PADI2: variants seen among roughly 807,000 people sequenced by gnomAD.
PADI2 encodes peptidyl arginine deiminase 2, also known as protein-arginine deiminase type-2.
In PADI2, 70 loss-of-function variants were observed where a neutral mutation model predicts 81.1. That is an observed-to-expected ratio of 0.86 (90% CI 0.71 to 1.05). The LOEUF (loss-of-function observed/expected upper bound fraction) is 1.05. Ranked by LOEUF, PADI2 falls within the 50% of genes least tolerant of loss-of-function variation. The pLI, the probability that PADI2 is intolerant of heterozygous loss-of-function variation, is 0.00. For synonymous variants in PADI2, 338 were observed against 358.0 expected (o/e 0.94, Z 0.63); for missense variants, 853 against 889.9 (o/e 0.96, Z 0.53).
chr1:17,089,168 T>C (rs1377978737), intron 6 of PADI2, among the ~76,000 whole-genome samples: 1 of 152,118 alleles, frequency 6.6e-6, no homozygotes, highest in Non-Finnish European at 1.5e-5. Flanking sequence ...ACGTCCCACC[T>C]CATCCTCCCT....
At chr1:17,098,342 C>G (rs1242489679) in intron 3 of PADI2, among the ~76,000 whole-genome samples, 2 of 152,308 alleles carry the variant, frequency 1.3e-5, no homozygotes, top group African/African-American at 2.4e-5. Context: ...CATTGGGACT[C>G]CTTGTGGCGA....
intron 1 of PADI2, among the ~76,000 whole-genome samples, chr1:17,117,482 C>A (rs779744989): frequency 9.9e-5 from 15 of 152,100 alleles, no homozygotes; most frequent in Non-Finnish European, 1.8e-4. Context: ...GAGCGCACTG[C>A]CCCTCTCTGT....
chr1:17,113,173 G>A (rs951998280), intron 1 of PADI2, among the ~76,000 whole-genome samples: 3 of 152,106 alleles, frequency 2.0e-5, no homozygotes, highest in African/African-American at 7.2e-5. Flanking sequence ...AAGTCTTTGA[G>A]GAGAGGGATC....
intron 11 of PADI2, among the ~76,000 whole-genome samples, chr1:17,076,303 C>T (rs1179765957): frequency 1.3e-5 from 2 of 152,048 alleles, no homozygotes; most frequent in African/African-American, 4.8e-5. Flanking sequence ...CAACCTCTGC[C>T]TCCCGGGTTC....
intron 1 of PADI2, among the ~76,000 whole-genome samples, chr1:17,112,040 T>C (rs546526043): frequency 3.9e-5 from 6 of 152,090 alleles, no homozygotes; most frequent in Non-Finnish European, 7.4e-5. Context: ...GCATGATCAG[T>C]TTTGCACTGT....
intron 6 of PADI2, among the ~76,000 whole-genome samples, chr1:17,089,239 T>C (rs181925176): frequency 6.6e-6 from 1 of 152,210 alleles, no homozygotes; most frequent in Non-Finnish European, 1.5e-5. Context: ...TCCCAAAGAA[T>C]AGAAAGTGAG....
intron 4 of PADI2, 89 bp from the exon 5 acceptor site, chr1:17,093,773 G>A (rs1025164960): frequency 7.8e-6 from 6 of 773,922 alleles, no homozygotes; most frequent in Middle Eastern, 2.4e-4. Context: ...CAGGATGAGG[G>A]TAAAGAGTAG....
Position 17,103,028 on chromosome 1 carries a change from C to T in PADI2, c.308G>A (p.Ser103Asn). The change falls in exon 3 of 16, where the codon AGC becomes AAC. Residue 103 changes from serine to asparagine, a missense_variant. Ser to Asn is a conservative substitution (Grantham distance 46). Transcript: ENST00000375486. ...GAGCCCCGCCTGGTCGATGGGAATG[C>T]TCCCTTCCTCGTCATAGTAGTTGAC... is the stretch of plus-strand genomic sequence containing the variant. ...VTVNYYDEEGSIPIDQAGLFL... is the reference protein window; with the variant it reads ...VTVNYYDEEGNIPIDQAGLFL... The T allele has an allele frequency of 6.2e-7, 1 of 1,613,642 alleles. No individual in the cohort carries two copies. The highest frequency in any genetic ancestry group is 8.5e-7 in the Non-Finnish European group (1 of 1,179,716).
At chr1:17,116,911 G>A (rs1393837104) in intron 1 of PADI2, among the ~76,000 whole-genome samples, 2 of 152,194 alleles carry the variant, frequency 1.3e-5, no homozygotes, top group Non-Finnish European at 2.9e-5. Context: ...AAGCTCCTTA[G>A]TCCTGGAAGA....
intron 14 of PADI2, among the ~76,000 whole-genome samples, chr1:17,070,573 T>C (rs1166524337): frequency 1.3e-5 from 2 of 152,244 alleles, no homozygotes; most frequent in African/African-American, 2.4e-5. Flanking sequence ...CAAAAGCTAA[T>C]GCGTACATGT....
In PADI2 at chr1:17,082,577, T is replaced by A; in HGVS notation, c.1126A>T (p.Asn376Tyr). The A allele has an allele frequency of 6.2e-7, 1 of 1,613,448 alleles. No individual in the cohort carries two copies. Among genetic ancestry groups the A allele is most frequent in the Middle Eastern group, 1.7e-4 (1 of 6,054 alleles). ...TCCTTCACAGGGAAGTCCTTTAGGT[T>A]TCCATCTCGGGGAGAGTCCAGCACC... Reference protein sequence around the residue: ...PVVLDSPRDGNLKDFPVKELL... With the variant: ...PVVLDSPRDGYLKDFPVKELL... Residue 376 changes from asparagine (N) to tyrosine (Y), a missense_variant, in exon 10 of 16, where the codon AAC becomes TAC. Asn to Tyr is a moderately radical substitution (Grantham distance 143). Transcript: ENST00000375486.
rs988905159 is a variant in PADI2 at position 17,077,740 on chromosome 1, G to A, written c.1310+1524C>T. Among the ~76,000 whole-genome samples, 7 of 152,308 alleles carry A rather than the reference G, an allele frequency of 4.6e-5. 1 individual carries two copies. The highest frequency in any genetic ancestry group is 1.7e-4 in the African/African-American group (7 of 41,572). On this transcript the variant is annotated intron_variant, in intron 11 of 15. Coordinates refer to ENST00000375486, the MANE Select transcript of PADI2 (RefSeq NM_007365.3). ...CTGTGCCAGTGGCCTCCCCGCAGAA[G>A]GCTGAGCATCCCATGTGGCTCGGAG...
In PADI2 at chr1:17,070,242, A is replaced by T. The variant is rs2078256043; in HGVS notation, c.1636-26T>A. The T allele has an allele frequency of 1.9e-6, 3 of 1,612,306 alleles. No homozygotes were observed. In the East Asian group the frequency reaches 6.7e-5, roughly 36 times the overall value. On this transcript the variant is annotated intron_variant, in intron 14 of 15. Transcript: ENST00000375486. ...CTGGGTAGGAGAAAGGATGGAGGGCATGCAGGTGAGGGGGACACACACCGG... is the reference window on the plus strand; with the variant it reads ...CTGGGTAGGAGAAAGGATGGAGGGCTTGCAGGTGAGGGGGACACACACCGG...
intron 11 of PADI2, among the ~76,000 whole-genome samples, chr1:17,077,756 T>A (rs971552576): frequency 2.3e-4 from 35 of 152,310 alleles, no homozygotes; most frequent in African/African-American, 8.4e-4. Context: ...GCATCCCATG[T>A]GGCTCGGAGG....
chr1:17,069,350 T>C, intron 15 of PADI2, 73 bp from the exon 16 acceptor site: 1 of 1,163,534 alleles, frequency 8.6e-7, no homozygotes, highest in East Asian at 2.4e-5. Flanking sequence ...TATCCTAAGC[T>C]CATGGAACCC....
chr1:17,082,742 G>T (rs2101583169), intron 9 of PADI2, 90 bp from the exon 10 acceptor site: 1 of 767,180 alleles, frequency 1.3e-6, no homozygotes, highest in Non-Finnish European at 2.2e-6. Flanking sequence ...AGAGCACAAA[G>T]GAAGAAGAAC....
In PADI2 at chr1:17,119,223, G is replaced by T; in HGVS notation, c.92+57C>A. ...TGTCCACGTCCCCGAGTCTGAGCGC[G>T]TCTCAGGATTTCTGGGCTCGAGATC... On this transcript the variant is annotated intron_variant, in intron 1 of 15. Coordinates refer to ENST00000375486, the MANE Select transcript of PADI2 (RefSeq NM_007365.3). The surrounding 1 kb of genome is among the most constrained non-coding windows in gnomAD (Gnocchi z 4.8). The T allele has an allele frequency of 1.6e-6, 2 of 1,248,082 alleles. No homozygotes were observed. Among genetic ancestry groups the T allele is most frequent in the South Asian group, 1.4e-5 (1 of 73,544 alleles). 77.3% of individuals were successfully genotyped at this position (1,248,082 alleles called of 1,614,324 possible). A position where few individuals can be genotyped will look rare whatever the true frequency, so the allele number is the denominator to read the frequency against.
At chr1:17,095,664 A>T (rs1373254820) in intron 4 of PADI2, among the ~76,000 whole-genome samples, 1 of 152,214 alleles carries the variant, frequency 6.6e-6, no homozygotes, top group Non-Finnish European at 1.5e-5. Flanking sequence ...CCTTCCCAGC[A>T]GTTCCATGAA....
At chr1:17,069,523 CTATA>C (rs1183874701) in intron 15 of PADI2, among the ~76,000 whole-genome samples, 1 of 152,274 alleles carries the variant, frequency 6.6e-6, no homozygotes, top group East Asian at 1.9e-4. Context: ...GTATATGTGG[CTATA>C]TATGCATGCA....
Sources: allele counts gnomAD v4.1 joint callset (sites outside exome capture counted in the v4.1 genomes callset), GRCh38; gene constraint gnomAD v4.1.1; non-coding constraint Gnocchi (gnomAD v3.1); transcripts MANE v1.5; gene names NCBI Gene and HGNC (gene_info 2026-07-23, HGNC 2026-07-21).